Variants in PCDH15 observed in about 807,000 individuals in gnomAD.
PCDH15 encodes protocadherin related 15, also known as protocadherin-15.
In PCDH15, 129 loss-of-function variants were observed where a neutral mutation model predicts 178.5. The observed-to-expected ratio is 0.72, with a 90% CI of 0.63 to 0.84. The LOEUF (loss-of-function observed/expected upper bound fraction) is 0.84, where lower values mean the gene tolerates loss of function less well. PCDH15 is among the 40% of genes least tolerant of loss of function. The pLI is 0.00. For missense variants in PCDH15, 2,230 were observed against 2,099.9 expected (o/e 1.06, Z -1.21); for synonymous variants, 800 against 732.0 (o/e 1.09, Z -1.50).
intron 28 of PCDH15, among the ~76,000 whole-genome samples, chr10:53,841,913 C>G (rs1430697206): frequency 6.7e-6 from 1 of 148,542 alleles, no homozygotes; most frequent in African/African-American, 2.5e-5. Context: ...GTGACTCCAG[C>G]CTGGGCGACA....
At chr10:54,055,432 G>T (rs1294199070) in intron 18 of PCDH15, among the ~76,000 whole-genome samples, 1 of 152,206 alleles carries the variant, frequency 6.6e-6, no homozygotes, top group African/African-American at 2.4e-5. Context: ...ACAATGCTGA[G>T]AACATTGTTT....
At chr10:54,549,048 G>A (rs149122696) in intron 2 of PCDH15, among the ~76,000 whole-genome samples, 35 of 150,898 alleles carry the variant, frequency 2.3e-4, no homozygotes, top group East Asian at 7.7e-4. Flanking sequence ...CTATAATTTC[G>A]GCAATACCAG....
intron 11 of PCDH15, among the ~76,000 whole-genome samples, chr10:54,188,751 A>C (rs975594590): frequency 6.6e-6 from 1 of 151,896 alleles, no homozygotes; most frequent in East Asian, 1.9e-4. Context: ...TTAAACACCA[A>C]CTTGGGGTTT....
chr10:53,970,134 A>G (rs995165225), intron 21 of PCDH15, among the ~76,000 whole-genome samples: 6 of 152,150 alleles, frequency 3.9e-5, no homozygotes, highest in African/African-American at 1.4e-4. Context: ...GCAGCGATAC[A>G]CATAGGCTCA....
rs142437622 is a variant in PCDH15 at position 54,687,640 on chromosome 10, A to G, written c.-28-23350T>C. Among the ~76,000 whole-genome samples the G allele has an allele frequency of 5.1e-3, 771 of 152,194 alleles. 2 individuals carry two copies. The highest frequency in any genetic ancestry group is 0.016 in the African/African-American group (680 of 41,542). Reference sequence around the variant, plus strand: ...TCAATATCTTATGACACTGGACTCCATTCAGCAATAATTCCATCAAGTTGA... The same window carrying G: ...TCAATATCTTATGACACTGGACTCCGTTCAGCAATAATTCCATCAAGTTGA... On this transcript the variant is annotated intron_variant, in intron 1 of 37. Transcript: ENST00000644397.
Position 55,179,454 on chromosome 10 carries a change from C to T in PCDH15, c.-155-12803G>A, listed in dbSNP as rs1019330244. On this transcript the variant is annotated intron_variant, in intron 1 of 5. Transcript: ENST00000458638. ...TGACCAGAGTGAGAATTTCTGTCCC[C>T]GGTTTACCCACTCTCCCTCAATTTG... is the stretch of plus-strand genomic sequence containing the variant. Among the ~76,000 whole-genome samples the T allele has an allele frequency of 2.6e-5, 4 of 151,988 alleles. No homozygotes were observed. The East Asian group carries it at 7.8e-4, about 30-fold the overall frequency.
intron 2 of PCDH15, among the ~76,000 whole-genome samples, chr10:54,927,137 T>G (rs912729193): frequency 6.6e-6 from 1 of 152,128 alleles, no homozygotes; most frequent in Admixed American, 6.6e-5. Flanking sequence ...TGGTGTGTTG[T>G]ATACTTGTTC....
intron 8 of PCDH15, among the ~76,000 whole-genome samples, chr10:54,274,828 C>T (rs2058261151): frequency 6.6e-6 from 1 of 151,764 alleles, no homozygotes; most frequent in Admixed American, 6.6e-5. Context: ...GGTAAAGATT[C>T]TTAGCAAATA....
chr10:55,527,863 T>C (rs367556072), intron 2 of PCDH15, among the ~76,000 whole-genome samples: 1 of 152,058 alleles, frequency 6.6e-6, no homozygotes, highest in East Asian at 1.9e-4. Flanking sequence ...TTGTTTTTTC[T>C]TCTGACAACA....
At chr10:54,108,190 T>C (rs969341697) in intron 15 of PCDH15, among the ~76,000 whole-genome samples, 3 of 152,132 alleles carry the variant, frequency 2.0e-5, no homozygotes, top group Non-Finnish European at 4.4e-5. Flanking sequence ...GCACTCACAG[T>C]ACCTGGCTGT....
At chr10:54,403,346 T>C (rs1156778294) in intron 3 of PCDH15, among the ~76,000 whole-genome samples, 1 of 151,994 alleles carries the variant, frequency 6.6e-6, no homozygotes, top group African/African-American at 2.4e-5. Flanking sequence ...AGCAACCACA[T>C]GATTACATCA....
chr10:54,230,000 T>C (rs921136680), intron 9 of PCDH15, among the ~76,000 whole-genome samples: 1 of 152,180 alleles, frequency 6.6e-6, no homozygotes, highest in East Asian at 1.9e-4. Context: ...GCAGGAATTG[T>C]CCTTGCTTTG....
intron 12 of PCDH15, among the ~76,000 whole-genome samples, chr10:54,183,995 C>A (rs536624789): frequency 6.6e-6 from 1 of 152,058 alleles, no homozygotes; most frequent in Non-Finnish European, 1.5e-5. Flanking sequence ...TGTGTTTATA[C>A]CATCAGGAAG....
At chr10:54,482,908 CA>C (rs1267522668) in intron 3 of PCDH15, among the ~76,000 whole-genome samples, 1 of 151,652 alleles carries the variant, frequency 6.6e-6, no homozygotes, top group East Asian at 1.9e-4. Context: ...GGGGACTATG[CA>C]AGGAGTAAAA....
At chr10:55,342,805 C>T (rs1218717867) in intron 2 of PCDH15, among the ~76,000 whole-genome samples, 2 of 152,120 alleles carry the variant, frequency 1.3e-5, no homozygotes, top group Admixed American at 6.6e-5. Context: ...GGGCACATTT[C>T]TGGAGACTAG....
At chr10:54,574,022 T>G (rs545060856) in intron 2 of PCDH15, among the ~76,000 whole-genome samples, 1 of 152,290 alleles carries the variant, frequency 6.6e-6, no homozygotes, top group African/African-American at 2.4e-5. Flanking sequence ...AGAAGCTCTT[T>G]AGTTTAATTA....
intron 2 of PCDH15, among the ~76,000 whole-genome samples, chr10:55,125,108 A>G (rs1039136063): frequency 2.0e-5 from 3 of 151,904 alleles, no homozygotes; most frequent in Non-Finnish European, 2.9e-5. Context: ...TCAATTTCTC[A>G]GCAGAAAACA....
At chr10:54,390,554 C>T (rs1950433845) in intron 3 of PCDH15, among the ~76,000 whole-genome samples, 1 of 152,186 alleles carries the variant, frequency 6.6e-6, no homozygotes, top group Admixed American at 6.5e-5. Context: ...CTCGGACTCC[C>T]AAAGTGCTGG....
chr10:54,631,608 G>A (rs973957431), intron 2 of PCDH15, among the ~76,000 whole-genome samples: 5 of 152,130 alleles, frequency 3.3e-5, no homozygotes, highest in African/African-American at 1.2e-4. Context: ...TACTTTGTGT[G>A]TTCCATCATA....
Sources: gnomAD v4.1 joint callset for allele counts (sites outside exome capture counted in the v4.1 genomes callset) on GRCh38, gnomAD v4.1.1 for gene constraint, MANE v1.5 for transcripts, NCBI Gene and HGNC (gene_info 2026-07-23, HGNC 2026-07-21) for gene names.